PTPN11: variants seen among roughly 807,000 people sequenced by gnomAD.
PTPN11 encodes tyrosine-protein phosphatase non-receptor type 11.
A neutral mutation model predicts 78.8 loss-of-function variants in PTPN11; 6 were observed. The observed-to-expected ratio is 0.08, with a 90% CI of 0.04 to 0.15. PTPN11 has a LOEUF of 0.15. PTPN11 is among the 10% of genes least tolerant of loss of function. The pLI is 1.00. For missense variants in PTPN11, 386 were observed against 744.8 expected, an observed-to-expected ratio of 0.52 and a Z score of 5.61; for synonymous variants, 221 against 263.5, an observed-to-expected ratio of 0.84 and a Z score of 1.56.
chr12:112,425,959 C>G (rs1330294088), intron 1 of PTPN11, among the ~76,000 whole-genome samples: 1 of 152,172 alleles, frequency 6.6e-6, no homozygotes, highest in Non-Finnish European at 1.5e-5. Flanking sequence ...TCCCCAAGTG[C>G]TGGGGTTACA....
intron 6 of PTPN11, among the ~76,000 whole-genome samples, chr12:112,456,898 G>A (rs1360109082): frequency 6.6e-6 from 1 of 151,992 alleles, no homozygotes; most frequent in Non-Finnish European, 1.5e-5. Context: ...TGATAACTCT[G>A]GTAAGTTAAG....
At chr12:112,450,107 T>C (rs1387420911) in intron 2 of PTPN11, among the ~76,000 whole-genome samples, 6 of 151,546 alleles carry the variant, frequency 4.0e-5, no homozygotes, top group Middle Eastern at 3.4e-3. Flanking sequence ...AAAAAAGATA[T>C]GCAAGGTAAA....
intron 1 of PTPN11, among the ~76,000 whole-genome samples, chr12:112,421,590 T>C (rs1021023068): frequency 6.6e-6 from 1 of 152,078 alleles, no homozygotes; most frequent in East Asian, 1.9e-4. Flanking sequence ...GTTGGGATTA[T>C]AGGCATGAGA....
intron 3 of PTPN11, among the ~76,000 whole-genome samples, chr12:112,452,752 C>T (rs2135865879): frequency 6.6e-6 from 1 of 151,994 alleles, no homozygotes; most frequent in South Asian, 2.1e-4. Context: ...TGGTCTTGAA[C>T]TCCTGGCCTC....
chr12:112,460,175 C>T lies in PTPN11; in HGVS notation c.756+4112C>T, dbSNP rs562228457. 2.8e-3 allele frequency among the ~76,000 whole-genome samples: 425 copies of T among 151,764 alleles called. 5 individuals carry two copies. Among genetic ancestry groups the T allele is most frequent in the African/African-American group, 9.5e-3 (395 of 41,392 alleles). On this transcript the variant is annotated intron_variant, in intron 6 of 15. Coordinates refer to ENST00000351677, the MANE Select transcript of PTPN11 (RefSeq NM_002834.5). Reference sequence around the variant, plus strand: ...GTTGGCCAGGTTGGTCTCAAACTTCCGACCTCAGGTGATCCACCCACCTTG... The same window carrying T: ...GTTGGCCAGGTTGGTCTCAAACTTCTGACCTCAGGTGATCCACCCACCTTG...
intron 13 of PTPN11, among the ~76,000 whole-genome samples, chr12:112,495,410 C>T (rs1485254755): frequency 2.9e-4 from 44 of 152,172 alleles, no homozygotes; most frequent in Admixed American, 2.9e-3. Flanking sequence ...GTAGGATATC[C>T]CACAACTTGT....
At chr12:112,447,640 C>T (rs956317239) in intron 2 of PTPN11, among the ~76,000 whole-genome samples, 4 of 151,790 alleles carry the variant, frequency 2.6e-5, no homozygotes, top group African/African-American at 9.7e-5. Flanking sequence ...GCTGGGATTA[C>T]AGGTGCATGC....
At chr12:112,503,958 T>A (rs1229476615) in intron 14 of PTPN11, among the ~76,000 whole-genome samples, 1 of 152,158 alleles carries the variant, frequency 6.6e-6, no homozygotes, top group Non-Finnish European at 1.5e-5. Context: ...GCCCTTCACA[T>A]AACCTGAGCT....
chr12:112,478,398 C>A (rs2038543136), intron 9 of PTPN11, among the ~76,000 whole-genome samples: 1 of 151,498 alleles, frequency 6.6e-6, no homozygotes, highest in Non-Finnish European at 1.5e-5. Context: ...TGTAGTAAGA[C>A]CCCATCTCTT....
At chr12:112,424,891 A>ATGTGTG (rs1223840459) in intron 1 of PTPN11, among the ~76,000 whole-genome samples, 3,509 of 79,988 alleles carry the variant, frequency 0.044, 120 homozygotes, top group African/African-American at 0.099. Flanking sequence ...GTGTGTGTGT[A>ATGTGTG]TGTGTGTGTG....
intron 7 of PTPN11, among the ~76,000 whole-genome samples, chr12:112,476,225 C>T (rs2135899002): frequency 6.6e-6 from 1 of 152,260 alleles, no homozygotes; most frequent in Non-Finnish European, 1.5e-5. Context: ...TAGAATATCG[C>T]TTTTTCCTCC....
intron 2 of PTPN11, among the ~76,000 whole-genome samples, chr12:112,446,648 G>T (rs916177799): frequency 5.3e-5 from 8 of 152,270 alleles, no homozygotes; most frequent in Non-Finnish European, 1.0e-4. Context: ...AAGCCCTCCA[G>T]TGCTTGAGAC....
At chr12:112,494,348 G>T (rs192371999) in intron 13 of PTPN11, among the ~76,000 whole-genome samples, 1 of 152,234 alleles carries the variant, frequency 6.6e-6, no homozygotes, top group East Asian at 1.9e-4. Flanking sequence ...CTTTCTTCTA[G>T]AACTTTTAAG....
chr12:112,485,797 C>T (rs940447481), intron 10 of PTPN11, among the ~76,000 whole-genome samples: 27 of 151,888 alleles, frequency 1.8e-4, no homozygotes, highest in African/African-American at 6.3e-4. Flanking sequence ...GCCAATATGG[C>T]GAAAGAAACC....
At chr12:112,445,929 C>T (rs768477941) in intron 1 of PTPN11, among the ~76,000 whole-genome samples, 37 of 152,194 alleles carry the variant, frequency 2.4e-4, no homozygotes, top group Non-Finnish European at 4.6e-4. Context: ...CGTGAGCCAC[C>T]GTGCCCTGCC....
At chr12:112,478,522 T>C (rs940297207) in intron 9 of PTPN11, among the ~76,000 whole-genome samples, 5 of 152,188 alleles carry the variant, frequency 3.3e-5, no homozygotes, top group African/African-American at 1.2e-4. Context: ...TTATTCAGTT[T>C]TTTCTCCCCG....
At chr12:112,468,943 A>T (rs914332126) in intron 6 of PTPN11, among the ~76,000 whole-genome samples, 1 of 152,190 alleles carries the variant, frequency 6.6e-6, no homozygotes, top group Non-Finnish European at 1.5e-5. Context: ...GCGTGCCTGT[A>T]GTCCCAGCCA....
chr12:112,427,761 A>T (rs1594128266), intron 1 of PTPN11, among the ~76,000 whole-genome samples: 1 of 149,980 alleles, frequency 6.7e-6, no homozygotes, highest in Admixed American at 6.7e-5. Flanking sequence ...TTATTTATTT[A>T]TTTTTTTTGA....
At chr12:112,436,944 A>C (rs1030457652) in intron 1 of PTPN11, among the ~76,000 whole-genome samples, 4 of 152,106 alleles carry the variant, frequency 2.6e-5, no homozygotes, top group Admixed American at 2.6e-4. Flanking sequence ...AATGGTAATA[A>C]ATTTTACCAT....
Sources: allele counts gnomAD v4.1 joint callset (sites outside exome capture counted in the v4.1 genomes callset), GRCh38; gene constraint gnomAD v4.1.1; transcripts MANE v1.5; gene names NCBI Gene and HGNC (gene_info 2026-07-23, HGNC 2026-07-21).